The following DEFB134 variants were observed in gnomAD, a reference collection of about 807,000 sequenced individuals.
The protein encoded by DEFB134 is defensin beta 134, also known as beta-defensin 134.
In DEFB134, 7 loss-of-function variants were observed where a neutral mutation model predicts 7.4. That is an observed-to-expected ratio of 0.95 (90% confidence interval 0.54 to 1.79). The LOEUF is 1.79. DEFB134 is among the 40% of genes most tolerant of loss of function. The pLI is 0.00. For synonymous variants in DEFB134, 33 were observed against 25.0 expected, an observed-to-expected ratio of 1.32 and a Z score of -0.96; for missense variants, 105 against 74.8, an observed-to-expected ratio of 1.40 and a Z score of -1.49.
chr8:11,997,380 C>T (rs1800154224), upstream of DEFB134, among the ~76,000 whole-genome samples: 1 of 152,136 alleles, frequency 6.6e-6, no homozygotes, highest in Non-Finnish European at 1.5e-5. Context: ...TATGGACATT[C>T]ATGTACAAGT....
upstream of DEFB134, among the ~76,000 whole-genome samples, chr8:11,997,544 G>T (rs1273628048): frequency 6.6e-6 from 1 of 152,060 alleles, no homozygotes; most frequent in African/African-American, 2.4e-5. Context: ...CAAGCAAATG[G>T]AAAAGAAAAA....
chr8:11,996,832 T>C (rs745783973), upstream of DEFB134, among the ~76,000 whole-genome samples: 6 of 152,224 alleles, frequency 3.9e-5, no homozygotes, highest in Non-Finnish European at 5.9e-5. Flanking sequence ...ATAAACTTCA[T>C]AAATAGTATT....
chr8:11,999,694 A>G (rs547581366), upstream of DEFB134, among the ~76,000 whole-genome samples: 12 of 152,322 alleles, frequency 7.9e-5, no homozygotes, highest in African/African-American at 2.9e-4. Flanking sequence ...CAACTGTCAG[A>G]GATCGTCTCT....
chr8:11,999,130 G>C (rs1022174200), upstream of DEFB134: 1 of 160,678 alleles, frequency 6.2e-6, no homozygotes, highest in Non-Finnish European at 1.4e-5. Flanking sequence ...GCCCCAGCTG[G>C]AAGTTCATAC....
intron 1 of DEFB134, 63 bp from the exon 3 acceptor site, chr8:11,994,185 G>C: frequency 6.5e-7 from 1 of 1,530,956 alleles, no homozygotes; most frequent in Non-Finnish European, 8.8e-7. Flanking sequence ...AAAATTGCTA[G>C]TCCCTCAATT....
upstream of DEFB134, among the ~76,000 whole-genome samples, chr8:12,000,061 T>A (rs923098185): frequency 6.6e-6 from 1 of 152,226 alleles, no homozygotes; most frequent in Non-Finnish European, 1.5e-5. Context: ...AATTGAAATG[T>A]CCCTGTCTGA....
At chr8:11,993,697 T>G in exon 2 of DEFB134, 1 of 299,386 alleles carries the variant, frequency 3.3e-6, no homozygotes. Flanking sequence ...ATATCCTCTA[T>G]GATTAGAGGG....
At position 11,994,091 on chromosome 8, in the gene DEFB134, C is replaced by G. The variant is rs372085598; in HGVS notation, c.90G>C (p.Lys30Asn). 1.7e-5 allele frequency: 27 copies of G among 1,613,270 alleles called. No individual in the cohort carries two copies. Among genetic ancestry groups the G allele is most frequent in the Non-Finnish European group, 2.1e-5 (25 of 1,179,814 alleles). Reference sequence around the variant, plus strand: ...TGCAGATGCCATTTTTATAGCATTTCTTGTGCATTTCTGATGATAATGAAT... The same window carrying G: ...TGCAGATGCCATTTTTATAGCATTTGTTGTGCATTTCTGATGATAATGAAT... The change falls in exon 2 of 2, where the codon AAG (lysine) becomes AAC (asparagine). Residue 30 changes from lysine (K) to asparagine (N), a missense_variant. Lys to Asn is a moderately conservative substitution (Grantham distance 94). Coordinates refer to ENST00000526438, the Ensembl canonical transcript of DEFB134.
intron 1 of DEFB134, among the ~76,000 whole-genome samples, chr8:11,995,958 C>CAAAAAAAAAAA (rs34837269): frequency 7.1e-6 from 1 of 139,892 alleles, no homozygotes; most frequent in African/African-American, 2.8e-5. Context: ...TCAGTTCAGC[C>CAAAAAAAAAAA]AAAAAAAAAA....
upstream of DEFB134, chr8:11,998,970 C>G (rs1312274270): frequency 6.6e-6 from 1 of 152,254 alleles, no homozygotes; most frequent in African/African-American, 2.4e-5. Context: ...GTACAACCTC[C>G]CAAGGTTGAA....
intron 1 of DEFB134, among the ~76,000 whole-genome samples, 160 bp downstream of exon 2, chr8:11,996,034 C>A (rs569537147): frequency 6.6e-6 from 1 of 151,356 alleles, no homozygotes. Flanking sequence ...AGTTGGACAG[C>A]CAGATTCAAG....
At chr8:11,997,407 G>A (rs551460620), upstream of DEFB134, among the ~76,000 whole-genome samples, 1 of 152,286 alleles carries the variant, frequency 6.6e-6, no homozygotes, top group South Asian at 2.1e-4. Context: ...ATGGATATAT[G>A]CTTTCATTTT....
upstream of DEFB134, among the ~76,000 whole-genome samples, chr8:11,997,971 A>T (rs1237436024): frequency 6.6e-6 from 1 of 152,216 alleles, no homozygotes; most frequent in Admixed American, 6.5e-5. Flanking sequence ...ATGCTTGGCC[A>T]TAAAGCAATC....
intron 1 of DEFB134, 82 bp from the exon 3 acceptor site, chr8:11,994,204 A>T (rs1585091355): frequency 2.1e-6 from 3 of 1,455,398 alleles, no homozygotes; most frequent in East Asian, 2.3e-5. Flanking sequence ...TTTTTATCCA[A>T]CCGGATACCA....
At chr8:11,997,841 G>T (rs1232491562), upstream of DEFB134, among the ~76,000 whole-genome samples, 1 of 152,098 alleles carries the variant, frequency 6.6e-6, no homozygotes, top group African/African-American at 2.4e-5. Context: ...AGATATTGAG[G>T]ACCTAAACTC....
Position 11,996,307 on chromosome 8 carries a change from G to T in DEFB134, c.-56C>A. The T allele has an allele frequency of 6.3e-7, 1 of 1,593,228 alleles. No homozygotes were observed. The highest frequency in any genetic ancestry group is 8.6e-7 in the Non-Finnish European group (1 of 1,161,758). On this transcript the variant is annotated 5_prime_UTR_variant, in exon 1 of 2. Transcript: ENST00000526438. Reference sequence around the variant, plus strand: ...GCAGGGTCTGACATCGGCTGTCAGGGAACAGAGAGAAGAGGTTGAGCACAC... The same window carrying T: ...GCAGGGTCTGACATCGGCTGTCAGGTAACAGAGAGAAGAGGTTGAGCACAC...
At chr8:11,993,946 C>T (rs1244389235) in exon 2 of DEFB134, 2 of 1,606,184 alleles carry the variant, frequency 1.2e-6, no homozygotes, top group East Asian at 4.5e-5. Flanking sequence ...AATCAAGGGC[C>T]TACAGGATAG....
chr8:11,993,836 A>T, exon 2 of DEFB134: 1 of 1,104,838 alleles, frequency 9.1e-7, no homozygotes, highest in Non-Finnish European at 1.2e-6. Flanking sequence ...TAAGACCACA[A>T]GAGTCTGCTG....
chr8:11,993,868 C>A, exon 2 of DEFB134: 2 of 1,384,574 alleles, frequency 1.4e-6, no homozygotes, highest in South Asian at 1.6e-5. Flanking sequence ...TGCTAAAAAC[C>A]AGTAGTCATG....
Sources: allele counts gnomAD v4.1 joint callset (sites outside exome capture counted in the v4.1 genomes callset), GRCh38; gene constraint gnomAD v4.1.1; transcripts MANE v1.5; gene names NCBI Gene and HGNC (gene_info 2026-07-23, HGNC 2026-07-21).